The following FSTL5 variants were observed in gnomAD, a reference collection of about 807,000 sequenced individuals.
FSTL5 encodes the protein follistatin-related protein 5.
FSTL5 carries 62 observed loss-of-function variants against 89.1 expected under a neutral mutation model. The observed-to-expected ratio is 0.70, with a 90% CI of 0.57 to 0.86. FSTL5 has a LOEUF of 0.86. Among genes scored for constraint, FSTL5 ranks in the 40% least tolerant of loss-of-function variants. The pLI is 0.00. For synonymous variants in FSTL5, 383 were observed against 346.2 expected (o/e 1.11, Z -1.18); for missense variants, 1,057 against 1,001.6 (o/e 1.06, Z -0.75).
intron 4 of FSTL5, among the ~76,000 whole-genome samples, chr4:161,796,795 T>G (rs1452733957): frequency 6.6e-6 from 1 of 151,690 alleles, no homozygotes; most frequent in Non-Finnish European, 1.5e-5. Context: ...GAAGTGTACT[T>G]AAAATCCTAT....
chr4:161,639,066 G>A (rs1735844293), intron 7 of FSTL5, among the ~76,000 whole-genome samples: 1 of 151,774 alleles, frequency 6.6e-6, no homozygotes, highest in Non-Finnish European at 1.5e-5. Context: ...AAAACTGGAA[G>A]CATTCCCTTT....
intron 15 of FSTL5, among the ~76,000 whole-genome samples, chr4:161,446,009 A>G (rs1291219810): frequency 6.6e-6 from 1 of 152,082 alleles, no homozygotes; most frequent in Non-Finnish European, 1.5e-5. Flanking sequence ...GTTTGACTCA[A>G]AATAACTGGT....
At chr4:161,912,657 A>G (rs1205470865) in intron 4 of FSTL5, among the ~76,000 whole-genome samples, 1 of 152,104 alleles carries the variant, frequency 6.6e-6, no homozygotes, top group Admixed American at 6.5e-5. Context: ...ATGAACTAAT[A>G]CAGTAAATTG....
intron 4 of FSTL5, among the ~76,000 whole-genome samples, chr4:161,872,775 A>G (rs929343875): frequency 6.6e-6 from 1 of 152,212 alleles, no homozygotes; most frequent in Non-Finnish European, 1.5e-5. Flanking sequence ...AAGTTTTATA[A>G]AAGAATTGAA....
intron 15 of FSTL5, among the ~76,000 whole-genome samples, chr4:161,395,632 CATAA>C (rs1730970766): frequency 1.3e-5 from 2 of 151,926 alleles, no homozygotes; most frequent in Non-Finnish European, 2.9e-5. Context: ...GAAACCCTAC[CATAA>C]AAGACAGCCA....
chr4:161,577,122 C>T (rs1458130752), intron 8 of FSTL5, among the ~76,000 whole-genome samples: 1 of 152,008 alleles, frequency 6.6e-6, no homozygotes, highest in African/African-American at 2.4e-5. Context: ...TGAGTATTTG[C>T]CATGTTTTTT....
intron 2 of FSTL5, among the ~76,000 whole-genome samples, chr4:162,089,877 G>T (rs1172609287): frequency 6.6e-6 from 1 of 151,852 alleles, no homozygotes; most frequent in Non-Finnish European, 1.5e-5. Flanking sequence ...AAACTTTAAG[G>T]TTTATAAAAT....
chr4:161,756,755 A>T (rs1415948811), intron 6 of FSTL5, among the ~76,000 whole-genome samples: 1 of 152,184 alleles, frequency 6.6e-6, no homozygotes, highest in African/African-American at 2.4e-5. Context: ...TTTGCTGGCT[A>T]TCATAAAAAT....
intron 15 of FSTL5, among the ~76,000 whole-genome samples, chr4:161,421,194 AG>A (rs1731979150): frequency 6.6e-6 from 1 of 152,080 alleles, no homozygotes; most frequent in African/African-American, 2.4e-5. Flanking sequence ...CAAAAACATT[AG>A]CCGGGCGTGG....
intron 4 of FSTL5, among the ~76,000 whole-genome samples, chr4:161,789,379 C>A (rs12643612): frequency 6.6e-6 from 1 of 151,716 alleles, no homozygotes; most frequent in Non-Finnish European, 1.5e-5. Context: ...TCCATTCTAG[C>A]CTTTTGTGGC....
At chr4:161,927,773 A>G (rs1330164315) in intron 3 of FSTL5, among the ~76,000 whole-genome samples, 2 of 151,836 alleles carry the variant, frequency 1.3e-5, no homozygotes, top group African/African-American at 4.8e-5. Flanking sequence ...GCAAAAATGC[A>G]TTTAATTTCT....
At chr4:161,615,482 G>A (rs1018610488) in intron 7 of FSTL5, among the ~76,000 whole-genome samples, 1 of 148,702 alleles carries the variant, frequency 6.7e-6, no homozygotes, top group African/African-American at 2.5e-5. Flanking sequence ...AAGAAATACA[G>A]GCCTTCTAAA....
intron 4 of FSTL5, among the ~76,000 whole-genome samples, chr4:161,804,310 A>T (rs1729891738): frequency 6.6e-6 from 1 of 152,058 alleles, no homozygotes; most frequent in African/African-American, 2.4e-5. Context: ...ATGTATTAAC[A>T]GATGCCAAGA....
At chr4:162,026,411 G>A (rs113292384) in intron 3 of FSTL5, among the ~76,000 whole-genome samples, 14,391 of 145,408 alleles carry the variant, frequency 0.099, 815 homozygotes, top group Non-Finnish European at 0.13. Context: ...GGGTTCAAGC[G>A]ATTCTACTGC....
chr4:161,521,413 A>C (rs1731015219), intron 10 of FSTL5, among the ~76,000 whole-genome samples: 1 of 152,124 alleles, frequency 6.6e-6, no homozygotes, highest in African/African-American at 2.4e-5. Flanking sequence ...CTGATTTTAA[A>C]TCTCTATTCT....
chr4:162,032,648 G>T (rs952990832), intron 3 of FSTL5: 1 of 152,188 alleles, frequency 6.6e-6, no homozygotes, highest in African/African-American at 2.4e-5. Context: ...GTGGGGAAAT[G>T]TGCAGAGAGG....
In FSTL5 at chr4:161,542,033, G is replaced by A. The variant is rs149465937; in HGVS notation, c.1177+499C>T. Among the ~76,000 whole-genome samples, 1,201 of 151,902 alleles carry A rather than the reference G, an allele frequency of 7.9e-3. 20 individuals carry two copies. Among genetic ancestry groups the A allele is most frequent in the African/African-American group, 0.028 (1,160 of 41,516 alleles). ...TGTACAATATTTTATATATTAGAATGTAACACAAACTTTAAAAAATGTAAA... is the reference window on the plus strand; with the variant it reads ...TGTACAATATTTTATATATTAGAATATAACACAAACTTTAAAAAATGTAAA... On this transcript the variant is annotated intron_variant, in intron 9 of 15. Coordinates refer to ENST00000306100, the MANE Select transcript of FSTL5 (RefSeq NM_020116.5).
chr4:161,743,795 T>G (rs1387524664), intron 6 of FSTL5, among the ~76,000 whole-genome samples: 3 of 152,188 alleles, frequency 2.0e-5, no homozygotes, highest in Non-Finnish European at 2.9e-5. Context: ...GGTTATAAAA[T>G]TATGTATTCA....
At chr4:162,154,541 T>C (rs1182069244) in intron 1 of FSTL5, among the ~76,000 whole-genome samples, 2 of 152,306 alleles carry the variant, frequency 1.3e-5, no homozygotes, top group South Asian at 2.1e-4. Context: ...AGTTTCTGAT[T>C]TGCATGAAAA....
Sources: gnomAD v4.1 joint callset for allele counts (sites outside exome capture counted in the v4.1 genomes callset) on GRCh38, gnomAD v4.1.1 for gene constraint, MANE v1.5 for transcripts, NCBI Gene and HGNC (gene_info 2026-07-23, HGNC 2026-07-21) for gene names.